Variants in UBE4A observed in about 807,000 individuals in gnomAD.
UBE4A encodes the protein ubiquitination factor E4A.
In UBE4A, 48 loss-of-function variants were observed where a neutral mutation model predicts 117.9. The ratio of observed to expected loss-of-function variants is 0.41; its 90% CI spans 0.32 to 0.52. The LOEUF (loss-of-function observed/expected upper bound fraction) is 0.52. UBE4A is among the 20% of genes least tolerant of loss of function. The pLI, the probability that UBE4A is intolerant of heterozygous loss-of-function variation, is 0.33. For synonymous variants in UBE4A, 407 were observed against 450.0 expected, an observed-to-expected ratio of 0.90 and a Z score of 1.21; for missense variants, 1,067 against 1,296.3, an observed-to-expected ratio of 0.82 and a Z score of 2.72.
At chr11:118,367,077 G>T (rs181966800) in intron 2 of UBE4A, among the ~76,000 whole-genome samples, 1 of 152,050 alleles carries the variant, frequency 6.6e-6, no homozygotes, top group African/African-American at 2.4e-5. Flanking sequence ...GGTGGTGGGC[G>T]CCTGTAGTCC....
rs183048390 is a variant in UBE4A at position 118,369,358 on chromosome 11, A to C, written c.296-65A>C. ...TTGCAGTTCAAGAGTGATGCTGTCAAGATCAGTTGTCTGTATAAAACAGAA... is the reference window on the plus strand; with the variant it reads ...TTGCAGTTCAAGAGTGATGCTGTCACGATCAGTTGTCTGTATAAAACAGAA... On this transcript the variant is annotated intron_variant, in intron 3 of 19. Coordinates refer to ENST00000252108, the MANE Select transcript of UBE4A (RefSeq NM_001204077.2). The C allele has an allele frequency of 6.1e-4, 726 of 1,182,644 alleles. 6 individuals are homozygous for C. The African/African-American group carries it at 9.8e-3, about 16-fold the overall frequency. The allele number at this position is 1,182,644 out of a possible 1,614,324, so 73.3% of individuals were successfully genotyped here. A position where few individuals can be genotyped will look rare whatever the true frequency, so the allele number is the denominator to read the frequency against.
intron 19 of UBE4A, among the ~76,000 whole-genome samples, chr11:118,394,973 A>C (rs1948856234): frequency 6.7e-6 from 1 of 149,502 alleles, no homozygotes; most frequent in Non-Finnish European, 1.5e-5. Flanking sequence ...TCTCTAAATA[A>C]ACAGATAGAT....
intron 8 of UBE4A, among the ~76,000 whole-genome samples, chr11:118,374,498 G>A (rs1948634555): frequency 6.6e-6 from 1 of 152,180 alleles, no homozygotes; most frequent in African/African-American, 2.4e-5. Context: ...CCTGCCACCT[G>A]TTTTTGTAAA....
At chr11:118,377,912 CAAAA>C (rs56669473) in intron 10 of UBE4A, among the ~76,000 whole-genome samples, 1 of 117,332 alleles carries the variant, frequency 8.5e-6, no homozygotes. Context: ...AACCCTGTCT[CAAAA>C]AAAAAAAAAA....
At chr11:118,376,001 A>G (rs572234712) in intron 9 of UBE4A, among the ~76,000 whole-genome samples, 4 of 152,318 alleles carry the variant, frequency 2.6e-5, no homozygotes, top group South Asian at 2.1e-4. Context: ...CCCTTTATAC[A>G]GAGAGAAAAG....
intron 1 of UBE4A, among the ~76,000 whole-genome samples, chr11:118,362,990 T>C (rs1467411713): frequency 6.6e-6 from 1 of 152,214 alleles, no homozygotes. Context: ...ATGAATGTGA[T>C]GTTTTAGAGA....
intron 1 of UBE4A, among the ~76,000 whole-genome samples, chr11:118,360,261 G>A (rs1948510232): frequency 6.6e-6 from 1 of 152,106 alleles, no homozygotes; most frequent in African/African-American, 2.4e-5. Flanking sequence ...TATTTGATGA[G>A]CCTTCCTTTT....
intron 19 of UBE4A, 86 bp downstream of exon 19, chr11:118,392,981 T>C: frequency 7.4e-7 from 1 of 1,352,250 alleles, no homozygotes; most frequent in Non-Finnish European, 1.0e-6. Flanking sequence ...GACAGTACTT[T>C]GCACCCAACA....
chr11:118,377,205 T>C (rs1948660330), intron 10 of UBE4A, among the ~76,000 whole-genome samples: 1 of 152,212 alleles, frequency 6.6e-6, no homozygotes, highest in Non-Finnish European at 1.5e-5. Context: ...TTTTTAACTT[T>C]TATCGTTGTC....
At chr11:118,390,525 A>G (rs1948805299) in intron 17 of UBE4A, 132 bp from the exon 18 acceptor site, 1 of 306,346 alleles carries the variant, frequency 3.3e-6, no homozygotes, top group South Asian at 7.6e-5. Flanking sequence ...ATATATTGAA[A>G]TAAGTCTTTC....
At chr11:118,387,345 A>T (rs1948769030) in intron 16 of UBE4A, among the ~76,000 whole-genome samples, 1 of 152,248 alleles carries the variant, frequency 6.6e-6, no homozygotes, top group South Asian at 2.1e-4. Context: ...TTATTTGAAG[A>T]ATAAGAAAGA....
intron 1 of UBE4A, among the ~76,000 whole-genome samples, chr11:118,364,687 GTTATTACAATTAGT>G (rs1377678204): frequency 6.6e-6 from 1 of 152,048 alleles, no homozygotes; most frequent in African/African-American, 2.4e-5. Flanking sequence ...GTGCCACATT[GTTATTACAATTAGT>G]AGGTGAGTTC....
At chr11:118,386,654 C>T (rs1223938960) in intron 16 of UBE4A, 42 bp downstream of exon 16, 1 of 1,480,864 alleles carries the variant, frequency 6.8e-7, no homozygotes, top group Non-Finnish European at 8.9e-7. Context: ...AAAGTAATGG[C>T]CAAGATCAGC....
At chr11:118,368,989 C>A (rs1432546005) in intron 3 of UBE4A, among the ~76,000 whole-genome samples, 185 bp downstream of exon 3, 2 of 152,188 alleles carry the variant, frequency 1.3e-5, no homozygotes, top group African/African-American at 2.4e-5. Flanking sequence ...AGATGCAGAT[C>A]TAACTTTTGT....
At position 118,384,660 on chromosome 11, in the gene UBE4A, G is replaced by A; in HGVS notation, c.2223G>A (p.Lys741=). 1.2e-6 allele frequency: 2 copies of A among 1,614,060 alleles called. No homozygotes were observed. The highest frequency in any genetic ancestry group is 1.7e-6 in the Non-Finnish European group (2 of 1,179,988). ...FTGDPHQFEQ[K]FNYRRPMYPI... The stretch of plus-strand genomic sequence containing the variant: ...GAGACCCCCATCAATTTGAACAGAA[G>A]TTTAATTACCGCCGTCCCATGTATC... The change falls in exon 14 of 20, where the codon AAG becomes AAA. Residue 741 remains lysine (K), a synonymous_variant. Coordinates refer to ENST00000252108, the MANE Select transcript of UBE4A (RefSeq NM_001204077.2).
intron 19 of UBE4A, among the ~76,000 whole-genome samples, chr11:118,394,788 A>T (rs1426079536): frequency 1.3e-5 from 2 of 151,754 alleles, no homozygotes; most frequent in South Asian, 2.1e-4. Context: ...AAAAAAAAAA[A>T]TTAAGTTATA....
intron 4 of UBE4A, among the ~76,000 whole-genome samples, chr11:118,370,007 G>A (rs535017462): frequency 8.3e-4 from 126 of 151,764 alleles, no homozygotes; most frequent in Non-Finnish European, 1.4e-3. Context: ...CAGGAGAATG[G>A]TTTAAACCCA....
chr11:118,373,455 C>T, intron 7 of UBE4A, 39 bp from the exon 8 acceptor site: 2 of 1,587,274 alleles, frequency 1.3e-6, no homozygotes, highest in Non-Finnish European at 1.7e-6. Context: ...CCTTATCTCA[C>T]CATGAAGATG....
chr11:118,396,588 G>A lies in UBE4A; in HGVS notation c.*148G>A, dbSNP rs1555129838. 1 of 916,468 alleles carries A rather than the reference G, an allele frequency of 1.1e-6. No individual in the cohort carries two copies. The highest frequency in any genetic ancestry group is 1.5e-6 in the Non-Finnish European group (1 of 677,918). 56.8% of individuals were successfully genotyped at this position (916,468 alleles called of 1,614,324 possible). ...TTTACTAAATTAGAGAACTGCTCTT[G>A]CTGAAATTATGATAGTTAAGATTCC... On this transcript the variant is annotated 3_prime_UTR_variant, in exon 20 of 20. Coordinates refer to ENST00000252108, the MANE Select transcript of UBE4A (RefSeq NM_001204077.2).
Sources: allele counts gnomAD v4.1 joint callset (sites outside exome capture counted in the v4.1 genomes callset), GRCh38; gene constraint gnomAD v4.1.1; transcripts MANE v1.5; gene names NCBI Gene and HGNC (gene_info 2026-07-23, HGNC 2026-07-21).